Variants in COLGALT1 observed in about 807,000 individuals in gnomAD.
The protein encoded by COLGALT1 is collagen beta(1-O)galactosyltransferase 1.
In COLGALT1, 43 loss-of-function variants were observed where a neutral mutation model predicts 60.8. The observed-to-expected ratio is 0.71, with a 90% CI of 0.55 to 0.91. The LOEUF (loss-of-function observed/expected upper bound fraction) is 0.91, where lower values mean the gene tolerates loss of function less well. Ranked by LOEUF, COLGALT1 falls within the 40% of genes least tolerant of loss-of-function variation. The pLI, the probability that COLGALT1 is intolerant of heterozygous loss-of-function variation, is 0.00. For missense variants in COLGALT1, 845 were observed against 880.0 expected (o/e 0.96, Z 0.50); for synonymous variants, 369 against 374.2 (o/e 0.99, Z 0.16).
intron 3 of COLGALT1, among the ~76,000 whole-genome samples, chr19:17,563,204 T>TTTTTTTA (rs2076259457): frequency 6.8e-6 from 1 of 147,968 alleles, no homozygotes; most frequent in African/African-American, 2.5e-5. Context: ...TTTTTTTTTT[T>TTTTTTTA]TTTTGAGACA....
At chr19:17,578,333 G>C (rs562219465) in intron 9 of COLGALT1, among the ~76,000 whole-genome samples, 2 of 152,286 alleles carry the variant, frequency 1.3e-5, no homozygotes, top group East Asian at 3.9e-4. Flanking sequence ...GAGCCCTTTT[G>C]AGCAGCAGGT....
chr19:17,571,091 C>T (rs1164738357), intron 5 of COLGALT1, among the ~76,000 whole-genome samples: 7 of 152,078 alleles, frequency 4.6e-5, no homozygotes, highest in Admixed American at 2.0e-4. Flanking sequence ...AAATACTTAC[C>T]ACCTGGCCCT....
chr19:17,576,789 GTGGTGCGGCTGGGGGGC>G (rs2076344193), intron 6 of COLGALT1, among the ~76,000 whole-genome samples: 2 of 149,722 alleles, frequency 1.3e-5, no homozygotes, highest in Non-Finnish European at 1.5e-5. Flanking sequence ...CCAGGGCTGA[GTGGTGCGGCTGGGGGGC>G]AGGTTGAAGC....
chr19:17,579,658 C>G, intron 10 of COLGALT1, 49 bp downstream of exon 10: 1 of 1,048,084 alleles, frequency 9.5e-7, no homozygotes, highest in Non-Finnish European at 1.2e-6. Flanking sequence ...GGGGCAAGGC[C>G]AGGACTTAGA....
chr19:17,567,436 C>A lies in COLGALT1; in HGVS notation c.520C>A (p.Pro174Thr), dbSNP rs1242223408. ...FVDADNLILN[P>T]DTLSLLIAEN... ...AGATGCGGACAACCTGATCCTCAACCCTGACACACTGAGCCTGCTCATCGC... is the reference window on the plus strand; with the variant it reads ...AGATGCGGACAACCTGATCCTCAACACTGACACACTGAGCCTGCTCATCGC... The change falls in exon 4 of 12, where the codon CCT becomes ACT. Residue 174 changes from proline (P) to threonine (T), a missense_variant. Coordinates refer to ENST00000252599, the MANE Select transcript of COLGALT1 (RefSeq NM_024656.4). The A allele has an allele frequency of 2.5e-6, 4 of 1,613,868 alleles. No homozygotes were observed. Among genetic ancestry groups the A allele is most frequent in the Non-Finnish European group, 3.4e-6 (4 of 1,179,900 alleles).
intron 3 of COLGALT1, among the ~76,000 whole-genome samples, chr19:17,562,614 A>G (rs1329859873): frequency 6.6e-6 from 1 of 151,410 alleles, no homozygotes. Flanking sequence ...GTGAGCTGAG[A>G]TTGCACCACT....
At chr19:17,572,916 G>T (rs2144836124) in intron 6 of COLGALT1, among the ~76,000 whole-genome samples, 1 of 152,284 alleles carries the variant, frequency 6.6e-6, no homozygotes, top group Admixed American at 6.5e-5. Flanking sequence ...GTGGGCAAAG[G>T]CCGGGAGGCT....
At chr19:17,580,936 GT>G (rs764898652) in intron 11 of COLGALT1, 31 bp downstream of exon 11, 1 of 1,610,946 alleles carries the variant, frequency 6.2e-7, no homozygotes, top group South Asian at 1.1e-5. Context: ...CTGGGCTGGG[GT>G]TTCACGGTGG....
At chr19:17,557,201 A>T (rs2076217649) in intron 1 of COLGALT1, among the ~76,000 whole-genome samples, 2 of 152,218 alleles carry the variant, frequency 1.3e-5, no homozygotes, top group Admixed American at 6.6e-5. Context: ...TACTTAACAA[A>T]TGTTTGTTGA....
chr19:17,575,222 TG>T (rs2076334087), intron 6 of COLGALT1, among the ~76,000 whole-genome samples: 1 of 152,028 alleles, frequency 6.6e-6, no homozygotes, highest in Non-Finnish European at 1.5e-5. Context: ...GCTAATTTTT[TG>T]TATTTTTATT....
chr19:17,567,881 G>A (rs375412591), intron 4 of COLGALT1, among the ~76,000 whole-genome samples: 86 of 152,134 alleles, frequency 5.7e-4, no homozygotes, highest in African/African-American at 1.9e-3. Flanking sequence ...CCCAGGAGGC[G>A]GAAGTTGCAG....
chr19:17,569,891 C>CTTTTTTTTT lies in COLGALT1; in HGVS notation c.829+1191_829+1199dup, dbSNP rs71162156. Among the ~76,000 whole-genome samples the CTTTTTTTTT allele has an allele frequency of 1.8e-3, 175 of 98,726 alleles. 9 individuals are homozygous for CTTTTTTTTT. The highest frequency in any genetic ancestry group is 3.5e-3 in the Admixed American group (24 of 6,818). 64.8% of individuals were successfully genotyped at this position (98,726 alleles called of 152,430 possible). A position where few individuals can be genotyped will look rare whatever the true frequency, so the allele number is the denominator to read the frequency against. On this transcript the variant is annotated intron_variant, in intron 5 of 11. Coordinates refer to ENST00000252599, the MANE Select transcript of COLGALT1 (RefSeq NM_024656.4). ...CAGGCCAAACCTGGCCCACTAATTA[C>CTTTTTTTTT]TTTTTTTTTTTTTTTTTTTTTGAGA...
intron 3 of COLGALT1, among the ~76,000 whole-genome samples, chr19:17,562,766 C>T (rs750715653): frequency 6.6e-6 from 1 of 151,886 alleles, no homozygotes; most frequent in Non-Finnish European, 1.5e-5. Context: ...TGGAGAAAGG[C>T]AGGGGGTTCA....
chr19:17,581,451 G>A lies in COLGALT1; in HGVS notation c.*7G>A. The stretch of plus-strand genomic sequence containing the variant: ...TGCCCGGGATGAACTCTGAGGGGTA[G>A]CAGCCAGAAAGCCAAAGCAGCCATC... On this transcript the variant is annotated 3_prime_UTR_variant, in exon 12 of 12. Transcript: ENST00000252599. 6.2e-7 allele frequency: 1 copy of A among 1,602,158 alleles called. No individual in the cohort carries two copies. The highest frequency in any genetic ancestry group is 8.5e-7 in the Non-Finnish European group (1 of 1,176,858).
chr19:17,581,576 C>T lies in COLGALT1; in HGVS notation c.*132C>T. On this transcript the variant is annotated 3_prime_UTR_variant, in exon 12 of 12. Transcript: ENST00000252599. ...CTCGTGTGGGGTGGTGTCCAGCCAGCTCTTGCTAAGCAATCACGTGCACAC... is the reference window on the plus strand; with the variant it reads ...CTCGTGTGGGGTGGTGTCCAGCCAGTTCTTGCTAAGCAATCACGTGCACAC... 1 of 1,228,004 alleles carries T rather than the reference C, an allele frequency of 8.1e-7. No individual in the cohort carries two copies. The highest frequency in any genetic ancestry group is 1.1e-6 in the Non-Finnish European group (1 of 905,552). 76.1% of individuals were successfully genotyped at this position (1,228,004 alleles called of 1,614,324 possible). A position where few individuals can be genotyped will look rare whatever the true frequency, so the allele number is the denominator to read the frequency against.
At chr19:17,562,470 C>T (rs2076254858) in intron 3 of COLGALT1, among the ~76,000 whole-genome samples, 1 of 152,090 alleles carries the variant, frequency 6.6e-6, no homozygotes, top group South Asian at 2.1e-4. Flanking sequence ...TGAGACCAGC[C>T]TGGTCAACAT....
chr19:17,556,575 A>G (rs2144811236), intron 1 of COLGALT1: 1 of 981,608 alleles, frequency 1.0e-6, no homozygotes, highest in African/African-American at 1.7e-5. Flanking sequence ...CTCTGAAGAA[A>G]CCTTTGACTG....
At chr19:17,565,177 CAG>C (rs1265176703) in intron 3 of COLGALT1, among the ~76,000 whole-genome samples, 3 of 151,078 alleles carry the variant, frequency 2.0e-5, no homozygotes, top group Non-Finnish European at 4.4e-5. Context: ...TTTTTTGAGA[CAG>C]AGTGTTGCTC....
rs1435365346 is a variant in COLGALT1, at chr19:17,581,372, A to C, written c.1797A>C (p.Ala599=). 6.2e-7 allele frequency: 1 copy of C among 1,613,028 alleles called. No individual in the cohort carries two copies. Among genetic ancestry groups the C allele is most frequent in the Non-Finnish European group, 8.5e-7 (1 of 1,179,972 alleles). ...AKSQKMREQQ[A]LSREAKNSDV... ...CCCAGAAGATGCGGGAGCAGCAGGC[A>C]CTGAGCCGTGAGGCCAAGAACTCGG... Residue 599 remains alanine (A), a synonymous_variant, in exon 12 of 12, where the codon GCA becomes GCC. Transcript: ENST00000252599.
Sources: gnomAD v4.1 joint callset for allele counts (sites outside exome capture counted in the v4.1 genomes callset) on GRCh38, gnomAD v4.1.1 for gene constraint, MANE v1.5 for transcripts, NCBI Gene and HGNC (gene_info 2026-07-23, HGNC 2026-07-21) for gene names.